UEVLD: variants seen among roughly 807,000 people sequenced by gnomAD.
The protein encoded by UEVLD is ubiquitin-conjugating enzyme E2 variant 3.
In UEVLD, 47 loss-of-function variants were observed where a neutral mutation model predicts 58.6. The observed-to-expected ratio is 0.80, with a 90% CI of 0.63 to 1.02. The LOEUF is 1.02. UEVLD is among the 50% of genes least tolerant of loss of function. The pLI is 0.00. For missense variants in UEVLD, 510 were observed against 550.6 expected (o/e 0.93, Z 0.74); for synonymous variants, 197 against 195.3 (o/e 1.01, Z -0.07).
Position 18,570,347 on chromosome 11 carries a change from C to T in UEVLD, c.224G>A (p.Trp75Ter). The T allele has an allele frequency of 6.4e-7, 1 of 1,571,606 alleles. No individual in the cohort carries two copies. Among genetic ancestry groups the T allele is most frequent in the South Asian group, 1.2e-5 (1 of 83,968 alleles). Residue 75 changes from tryptophan to a stop codon, truncating the protein, a stop_gained, in exon 4 of 12, where the codon TGG (tryptophan) becomes TAG (stop). Transcript: ENST00000396197. LOFTEE classifies it high-confidence loss of function. ...GNTYNIPIRF[W>*]ILDSHPFAPP... ...AGCGAAAGGGTGAGAATCCAAAATC[C>T]AGAAACGAATTGGTATGTTATATGT... is the stretch of plus-strand genomic sequence containing the variant.
chr11:18,559,927 T>C (rs1378136041), intron 6 of UEVLD, among the ~76,000 whole-genome samples: 1 of 151,962 alleles, frequency 6.6e-6, no homozygotes, highest in Non-Finnish European at 1.5e-5. Flanking sequence ...TACCCAAAGA[T>C]CTACCAGACT....
intron 8 of UEVLD, among the ~76,000 whole-genome samples, chr11:18,545,927 T>C (rs1851287525): frequency 6.6e-6 from 1 of 151,994 alleles, no homozygotes; most frequent in Non-Finnish European, 1.5e-5. Context: ...CTGATTCATA[T>C]GCCACCATGA....
intron 7 of UEVLD, among the ~76,000 whole-genome samples, chr11:18,557,749 G>T (rs1222522013): frequency 6.6e-6 from 1 of 151,286 alleles, no homozygotes; most frequent in African/African-American, 2.4e-5. Flanking sequence ...TCTTATTCTT[G>T]GTTTAGCACT....
Position 18,542,890 on chromosome 11 carries a change from C to CTTTTTT in UEVLD, c.1060+1727_1060+1732dup, listed in dbSNP as rs890676886. ...CAGAGGAGTTATTTTCTTTTCTTTT[C>CTTTTTT]TTTTTTTTTTTTTTTTCTTTGAGAC... On this transcript the variant is annotated intron_variant, in intron 9 of 11. Coordinates refer to ENST00000396197, the MANE Select transcript of UEVLD (RefSeq NM_001040697.4). 5.8e-3 allele frequency among the ~76,000 whole-genome samples: 729 copies of CTTTTTT among 125,848 alleles called. 10 individuals carry two copies. The highest frequency in any genetic ancestry group is 0.015 in the African/African-American group (516 of 34,786). The allele number at this position is 125,848 out of a possible 152,430, so 82.6% of individuals were successfully genotyped here. A position where few individuals can be genotyped will look rare whatever the true frequency, so the allele number is the denominator to read the frequency against.
chr11:18,553,761 T>C (rs967512278), intron 7 of UEVLD, among the ~76,000 whole-genome samples: 2 of 152,208 alleles, frequency 1.3e-5, no homozygotes, highest in Admixed American at 6.5e-5. Context: ...TCACATACTA[T>C]ATGATTCCAT....
chr11:18,561,736 AAGG>A (rs1433658331), intron 6 of UEVLD, among the ~76,000 whole-genome samples: 3 of 151,770 alleles, frequency 2.0e-5, no homozygotes, highest in African/African-American at 7.3e-5. Context: ...TAGGCTAAGG[AAGG>A]AGAATCACTT....
At chr11:18,544,001 G>A (rs1188918201) in intron 9 of UEVLD, among the ~76,000 whole-genome samples, 2 of 152,164 alleles carry the variant, frequency 1.3e-5, no homozygotes, top group African/African-American at 4.8e-5. Flanking sequence ...AAAGGAAAGA[G>A]TTCTATATAT....
chr11:18,545,074 A>ATATATATTTT (rs1345787784), intron 8 of UEVLD, among the ~76,000 whole-genome samples: 1 of 84,572 alleles, frequency 1.2e-5, no homozygotes, highest in Non-Finnish European at 2.6e-5. Context: ...CTATATCTAT[A>ATATATATTTT]TTTTTTTTTT....
At chr11:18,564,775 A>T in intron 6 of UEVLD, 117 bp downstream of exon 6, 1 of 641,674 alleles carries the variant, frequency 1.6e-6, no homozygotes, top group Non-Finnish European at 2.6e-6. Context: ...AATATATTTT[A>T]AGCCAAAATA....
At chr11:18,560,788 G>A (rs1472723267) in intron 6 of UEVLD, among the ~76,000 whole-genome samples, 1 of 151,988 alleles carries the variant, frequency 6.6e-6, no homozygotes, top group South Asian at 2.1e-4. Context: ...AGGCAGGTTG[G>A]TTGCCTGAGT....
At chr11:18,576,288 C>G (rs926435778) in intron 2 of UEVLD, among the ~76,000 whole-genome samples, 7 of 152,172 alleles carry the variant, frequency 4.6e-5, no homozygotes, top group Non-Finnish European at 8.8e-5. Flanking sequence ...CACGGTGGCT[C>G]ACACCTGTAA....
intron 9 of UEVLD, among the ~76,000 whole-genome samples, chr11:18,541,806 A>C (rs1851065818): frequency 6.6e-6 from 1 of 152,186 alleles, no homozygotes; most frequent in Non-Finnish European, 1.5e-5. Context: ...AAGGGAGGTA[A>C]ACAAAGTGAG....
At chr11:18,570,008 G>A (rs926275080) in intron 4 of UEVLD, 13 of 400,670 alleles carry the variant, frequency 3.2e-5, no homozygotes, top group African/African-American at 6.3e-5. Context: ...AAAACCTGGA[G>A]GGAGCAGCTT....
At chr11:18,583,222 C>CT (rs10540605) in intron 1 of UEVLD, among the ~76,000 whole-genome samples, 12 of 122,202 alleles carry the variant, frequency 9.8e-5, no homozygotes, top group African/African-American at 3.4e-4. Flanking sequence ...TTGTGCCCAG[C>CT]TTTTTTTTTT....
chr11:18,583,677 T>TTTTTTG (rs1853382554), intron 1 of UEVLD, among the ~76,000 whole-genome samples: 1 of 149,984 alleles, frequency 6.7e-6, no homozygotes, highest in Non-Finnish European at 1.5e-5. Flanking sequence ...TTTTTTTTTT[T>TTTTTTG]TGAGACAGAG....
intron 7 of UEVLD, among the ~76,000 whole-genome samples, chr11:18,557,312 C>T (rs926199922): frequency 6.6e-6 from 1 of 151,464 alleles, no homozygotes; most frequent in African/African-American, 2.4e-5. Context: ...CCACCATGCC[C>T]GGCTAATTTT....
In UEVLD at chr11:18,532,185, G is replaced by C. The variant is rs764173801; in HGVS notation, c.*135C>G. 1.3e-6 allele frequency: 1 copy of C among 781,012 alleles called. No homozygotes were observed. Among genetic ancestry groups the C allele is most frequent in the Non-Finnish European group, 1.9e-6 (1 of 528,514 alleles). The allele number at this position is 781,012 out of a possible 1,614,324, so 48.4% of individuals were successfully genotyped here. A position where few individuals can be genotyped will look rare whatever the true frequency, so the allele number is the denominator to read the frequency against. On this transcript the variant is annotated 3_prime_UTR_variant, in exon 12 of 12. Coordinates refer to ENST00000396197, the MANE Select transcript of UEVLD (RefSeq NM_001040697.4). ...GGATTTACATCACAAAGCTAATCAA[G>C]AAACCCTCTACTTTAACCAAGCAGT...
At chr11:18,545,562 A>G (rs1255938724) in intron 8 of UEVLD, among the ~76,000 whole-genome samples, 5 of 151,908 alleles carry the variant, frequency 3.3e-5, no homozygotes, top group African/African-American at 1.2e-4. Context: ...CTCCTACCTT[A>G]GTCTCCCTAG....
intron 7 of UEVLD, among the ~76,000 whole-genome samples, chr11:18,552,790 G>C (rs752877861): frequency 6.6e-6 from 1 of 151,916 alleles, no homozygotes; most frequent in Non-Finnish European, 1.5e-5. Context: ...GAACCCAGGA[G>C]GTGAAGTTTG....
Sources: allele counts gnomAD v4.1 joint callset (sites outside exome capture counted in the v4.1 genomes callset), GRCh38; gene constraint gnomAD v4.1.1; transcripts MANE v1.5; gene names NCBI Gene and HGNC (gene_info 2026-07-23, HGNC 2026-07-21).